The following CTSC variants were observed in gnomAD, a reference collection of about 807,000 sequenced individuals.
CTSC encodes dipeptidyl peptidase 1.
CTSC carries 37 observed loss-of-function variants against 40.9 expected under a neutral mutation model. The observed-to-expected ratio is 0.91, with a 90% CI of 0.70 to 1.19. The LOEUF (loss-of-function observed/expected upper bound fraction) is 1.19, where lower values mean the gene tolerates loss of function less well. CTSC is among the 50% of genes most tolerant of loss of function. The probability of loss-of-function intolerance (pLI) is 0.00; values close to 1 mark genes in which losing one functional copy is unlikely to be tolerated. For missense variants in CTSC, 594 were observed against 567.3 expected, an observed-to-expected ratio of 1.05 and a Z score of -0.48; for synonymous variants, 232 against 207.4, an observed-to-expected ratio of 1.12 and a Z score of -1.02.
chr11:88,333,787 T>C (rs915121951), intron 2 of CTSC, among the ~76,000 whole-genome samples: 1 of 152,214 alleles, frequency 6.6e-6, no homozygotes, highest in Non-Finnish European at 1.5e-5. Context: ...AGTGGACTGG[T>C]GGCCATCAAC....
At chr11:88,313,369 T>C (rs952356266) in intron 2 of CTSC, among the ~76,000 whole-genome samples, 2 of 152,118 alleles carry the variant, frequency 1.3e-5, no homozygotes, top group African/African-American at 4.8e-5. Flanking sequence ...TGAAACAGAA[T>C]CCTTTTTTTC....
chr11:88,307,556 C>CTTTTTTTTTTTTTTTTTTTT (rs5793311), intron 4 of CTSC, among the ~76,000 whole-genome samples: 1 of 73,490 alleles, frequency 1.4e-5, no homozygotes, highest in African/African-American at 5.7e-5. Flanking sequence ...ATACTGATAA[C>CTTTTTTTTTTTTTTTTTTTT]TTTTTTTTTT....
chr11:88,335,995 A>G (rs1156340665), intron 1 of CTSC, among the ~76,000 whole-genome samples: 1 of 152,164 alleles, frequency 6.6e-6, no homozygotes, highest in Non-Finnish European at 1.5e-5. Context: ...GCTGATAGGA[A>G]TGATACGTTT....
At chr11:88,308,016 A>G (rs963678786) in intron 4 of CTSC, among the ~76,000 whole-genome samples, 10 of 152,192 alleles carry the variant, frequency 6.6e-5, no homozygotes, top group African/African-American at 2.2e-4. Context: ...AACTAGAAGC[A>G]TTTCATAAAA....
In CTSC at chr11:88,312,497, C is replaced by T. The variant is rs993156762; in HGVS notation, c.376G>A (p.Val126Met). The T allele has an allele frequency of 3.1e-6, 5 of 1,614,164 alleles. No homozygotes were observed. The highest frequency in any genetic ancestry group is 1.7e-5 in the Admixed American group (1 of 60,026). The change falls in exon 3 of 7, where the codon GTG (valine) becomes ATG (methionine). Residue 126 changes from valine (V) to methionine (M), a missense_variant. By Grantham distance (21) the Val-to-Met change is conservative. Transcript: ENST00000227266. The part of the protein sequence containing the change: ...TYCNETMTGW[V>M]HDVLGRNWAC... ...CAGTTCCGGCCCAACACATCATGCA[C>T]CCACCCAGTCATTGTCTCGTTGCAG...
intron 4 of CTSC, among the ~76,000 whole-genome samples, chr11:88,306,900 C>G (rs1470935360): frequency 6.6e-6 from 1 of 152,204 alleles, no homozygotes; most frequent in Non-Finnish European, 1.5e-5. Context: ...CCAACATCCA[C>G]TCCTAGACAC....
At position 88,329,808 on chromosome 11, in the gene CTSC, GCT is replaced by G. The variant is rs572855841; in HGVS notation, c.318+5127_318+5128del. Among the ~76,000 whole-genome samples the G allele has an allele frequency of 8.0e-4, 121 of 152,184 alleles. 1 individual carries two copies. Among genetic ancestry groups the G allele is most frequent in the Non-Finnish European group, 5.9e-4 (40 of 68,008 alleles). On this transcript the variant is annotated intron_variant, in intron 2 of 6. Coordinates refer to ENST00000227266, the MANE Select transcript of CTSC (RefSeq NM_001814.6). Reference sequence around the variant, plus strand: ...GTGGTGCAATCTCAGCTCACTCCATGCTCTGTCTCCAGCGTTCAAGTGATTCT... The same window carrying G: ...GTGGTGCAATCTCAGCTCACTCCATGCTGTCTCCAGCGTTCAAGTGATTCT...
chr11:88,304,765 C>G (rs1461334697), intron 4 of CTSC, among the ~76,000 whole-genome samples: 1 of 152,176 alleles, frequency 6.6e-6, no homozygotes, highest in African/African-American at 2.4e-5. Flanking sequence ...TCTGGTCTTC[C>G]TCACTGCTAC....
chr11:88,335,037 G>A lies in CTSC; in HGVS notation c.218C>T (p.Thr73Ile), dbSNP rs1302752110. 6.2e-7 allele frequency: 1 copy of A among 1,604,642 alleles called. No individual in the cohort carries two copies. The highest frequency in any genetic ancestry group is 1.1e-5 in the South Asian group (1 of 90,850). Residue 73 changes from threonine to isoleucine, a missense_variant, in exon 2 of 7, where the codon ACA becomes ATA. By Grantham distance (89) the Thr-to-Ile change is moderately conservative. Coordinates refer to ENST00000227266, the MANE Select transcript of CTSC (RefSeq NM_001814.6). ...AGAATTGCCAAGGTCATCATATGCT[G>A]TATCCAGCTTCTGAAGGTACACCAC... ...KVVVYLQKLD[T>I]AYDDLGNSGH...
At chr11:88,303,814 A>T (rs1937606601) in intron 4 of CTSC, among the ~76,000 whole-genome samples, 1 of 152,188 alleles carries the variant, frequency 6.6e-6, no homozygotes, top group African/African-American at 2.4e-5. Flanking sequence ...GGTATGACAC[A>T]GGACATCTTT....
Position 88,330,057 on chromosome 11 carries a change from G to C in CTSC, c.318+4880C>G, listed in dbSNP as rs149769212. 1.9e-3 allele frequency among the ~76,000 whole-genome samples: 283 copies of C among 152,288 alleles called. 1 individual carries two copies. The highest frequency in any genetic ancestry group is 6.1e-3 in the African/African-American group (254 of 41,568). ...TTAAGAAGTGCAAATTTGCTAAAGT[G>C]TGCCAAGTACAATGAAATGGTAAAT... On this transcript the variant is annotated intron_variant, in intron 2 of 6. Coordinates refer to ENST00000227266, the MANE Select transcript of CTSC (RefSeq NM_001814.6).
chr11:88,310,850 C>T (rs1029302536), intron 3 of CTSC, among the ~76,000 whole-genome samples: 4 of 152,128 alleles, frequency 2.6e-5, no homozygotes, highest in Admixed American at 6.5e-5. Context: ...TTTCCCACAA[C>T]GCCAGTCAAT....
chr11:88,333,357 A>T (rs768882916), intron 2 of CTSC, among the ~76,000 whole-genome samples: 6 of 152,240 alleles, frequency 3.9e-5, no homozygotes, highest in Non-Finnish European at 8.8e-5. Flanking sequence ...CACTTCATTC[A>T]TTCATTTTTT....
intron 2 of CTSC, among the ~76,000 whole-genome samples, chr11:88,332,760 G>A (rs1938395447): frequency 6.6e-6 from 1 of 152,092 alleles, no homozygotes. Context: ...TTGTCAAATG[G>A]GCACTTTAAA....
At chr11:88,328,147 C>T (rs762799711) in intron 2 of CTSC, 2 of 1,613,456 alleles carry the variant, frequency 1.2e-6, no homozygotes, top group South Asian at 1.1e-5. Flanking sequence ...ATCATATATC[C>T]CCACAGTTCC....
chr11:88,297,396 T>C (rs1203502640), intron 5 of CTSC: 1 of 152,134 alleles, frequency 6.6e-6, no homozygotes, highest in Non-Finnish European at 1.5e-5. Flanking sequence ...ATACTTTTTT[T>C]TTCCTCCTTT....
At chr11:88,296,835 T>G (rs1033530535) in intron 5 of CTSC, 1 of 159,364 alleles carries the variant, frequency 6.3e-6, no homozygotes, top group Admixed American at 6.0e-5. Flanking sequence ...TAGAGAGAAG[T>G]CAGCCTGTGA....
Position 88,309,264 on chromosome 11 carries a change from G to C in CTSC, c.540C>G (p.Ala180=). The C allele has an allele frequency of 6.2e-7, 1 of 1,613,610 alleles. No individual in the cohort carries two copies. The highest frequency in any genetic ancestry group is 8.5e-7 in the Non-Finnish European group (1 of 1,179,548). Residue 180 remains alanine, a synonymous_variant, in exon 4 of 7, where the codon GCC becomes GCG. Transcript: ENST00000227266. ...TAGTTGCAGTCCAAGACTTCTGAAT[G>C]GCATTGATAGCTTTCACAAAGTTGT... ...YDHNFVKAIN[A]IQKSWTATTY...
chr11:88,321,172 T>C (rs1320287393), intron 2 of CTSC: 1 of 329,770 alleles, frequency 3.0e-6, no homozygotes, highest in Non-Finnish European at 4.3e-6. Flanking sequence ...CCAGGGTACA[T>C]GTGTAGGATG....
Sources: allele counts gnomAD v4.1 joint callset (sites outside exome capture counted in the v4.1 genomes callset), GRCh38; gene constraint gnomAD v4.1.1; transcripts MANE v1.5; gene names NCBI Gene and HGNC (gene_info 2026-07-23, HGNC 2026-07-21).